The following LUZP1 variants were observed in gnomAD, a reference collection of about 807,000 sequenced individuals.
LUZP1 encodes leucine zipper protein 1.
A neutral mutation model predicts 71.3 loss-of-function variants in LUZP1; 25 were observed. The ratio of observed to expected loss-of-function variants is 0.35; its 90% confidence interval spans 0.26 to 0.49. The LOEUF is 0.49. LUZP1 is among the 20% of genes least tolerant of loss of function. The pLI, the probability that LUZP1 is intolerant of heterozygous loss-of-function variation, is 0.99. For synonymous variants in LUZP1, 481 were observed against 506.4 expected, an observed-to-expected ratio of 0.95 and a Z score of 0.67; for missense variants, 1,142 against 1,300.8, an observed-to-expected ratio of 0.88 and a Z score of 1.88.
intron 1 of LUZP1, among the ~76,000 whole-genome samples, chr1:23,170,889 G>A (rs963131576): frequency 2.0e-5 from 3 of 151,852 alleles, no homozygotes; most frequent in African/African-American, 7.3e-5. Flanking sequence ...CCAGGAGTTT[G>A]AGACCAGCCT....
At chr1:23,174,506 C>A (rs1644571640) in intron 1 of LUZP1, among the ~76,000 whole-genome samples, 1 of 152,166 alleles carries the variant, frequency 6.6e-6, no homozygotes, top group African/African-American at 2.4e-5. Context: ...CAAATTGACA[C>A]ATAAAATTCA....
exon 4 of LUZP1, chr1:23,092,154 G>A: frequency 6.2e-7 from 1 of 1,614,156 alleles, no homozygotes; most frequent in Non-Finnish European, 8.5e-7. Flanking sequence ...CTCAAATAGG[G>A]AGGTTCTAGG....
chr1:23,108,218 A>G (rs1038194457), intron 3 of LUZP1, among the ~76,000 whole-genome samples: 20 of 152,248 alleles, frequency 1.3e-4, no homozygotes, highest in African/African-American at 4.8e-4. Flanking sequence ...CTAATTGTTG[A>G]TCAAAAGGTT....
At chr1:23,085,288 C>A (rs1643746820) in exon 5 of LUZP1, 1 of 152,592 alleles carries the variant, frequency 6.6e-6, no homozygotes, top group Non-Finnish European at 1.5e-5. Flanking sequence ...ACTTTCTTAG[C>A]CCTCTCAATC....
intron 1 of LUZP1, among the ~76,000 whole-genome samples, chr1:23,170,646 T>C (rs569145752): frequency 2.6e-5 from 4 of 152,114 alleles, no homozygotes; most frequent in Non-Finnish European, 4.4e-5. Context: ...TTTGTATTTT[T>C]AGTAGAGACG....
intron 2 of LUZP1, among the ~76,000 whole-genome samples, chr1:23,134,936 T>C (rs1394446661): frequency 6.6e-6 from 1 of 152,096 alleles, no homozygotes; most frequent in African/African-American, 2.4e-5. Context: ...ATCACCCAGG[T>C]ACTAAGCCCA....
At chr1:23,154,130 G>A (rs971792059) in intron 2 of LUZP1, among the ~76,000 whole-genome samples, 10 of 152,126 alleles carry the variant, frequency 6.6e-5, no homozygotes, top group Non-Finnish European at 1.5e-5. Flanking sequence ...AAGGCAAAAC[G>A]ATAGGAATAG....
exon 4 of LUZP1, chr1:23,091,455 G>A (rs1159342358): frequency 2.5e-6 from 4 of 1,614,146 alleles, no homozygotes; most frequent in Admixed American, 1.7e-5. Context: ...TCGAGTTGGG[G>A]GGTCTTCTAA....
intron 2 of LUZP1, among the ~76,000 whole-genome samples, chr1:23,137,243 G>C (rs1644261799): frequency 6.6e-6 from 1 of 152,156 alleles, no homozygotes; most frequent in Non-Finnish European, 1.5e-5. Context: ...ACTAAAAATG[G>C]GCAAAGGATT....
At chr1:23,139,782 T>C (rs1644288477) in intron 2 of LUZP1, among the ~76,000 whole-genome samples, 2 of 152,088 alleles carry the variant, frequency 1.3e-5, no homozygotes. Context: ...ACCTCGTCTC[T>C]ACAGTGAAAT....
chr1:23,142,083 T>C (rs1011080285), intron 2 of LUZP1, among the ~76,000 whole-genome samples: 8 of 151,688 alleles, frequency 5.3e-5, no homozygotes, highest in Non-Finnish European at 1.2e-4. Flanking sequence ...CAACCTCAGG[T>C]GACCCACCCG....
chr1:23,168,228 C>T (rs1184668978), intron 2 of LUZP1, among the ~76,000 whole-genome samples: 1 of 148,152 alleles, frequency 6.7e-6, no homozygotes, highest in Non-Finnish European at 1.5e-5. Context: ...CCCAAACCGC[C>T]CTCCTCCTCC....
intron 1 of LUZP1, among the ~76,000 whole-genome samples, chr1:23,172,232 A>G (rs1644556591): frequency 6.6e-6 from 1 of 152,228 alleles, no homozygotes; most frequent in African/African-American, 2.4e-5. Flanking sequence ...TGATTGGACA[A>G]TAAAGGTCTC....
chr1:23,157,841 T>A (rs1309950963), intron 2 of LUZP1, among the ~76,000 whole-genome samples: 1 of 100,682 alleles, frequency 9.9e-6, no homozygotes, highest in African/African-American at 4.6e-5. Context: ...ATCTTGCCCC[T>A]ACCAAAAAAA....
intron 2 of LUZP1, among the ~76,000 whole-genome samples, chr1:23,140,107 T>C (rs920158563): frequency 1.4e-4 from 22 of 152,042 alleles, no homozygotes; most frequent in Admixed American, 7.9e-4. Flanking sequence ...CCCCACATCA[T>C]GGTGTTTCCT....
intron 2 of LUZP1, among the ~76,000 whole-genome samples, chr1:23,113,289 T>A (rs552455132): frequency 3.4e-4 from 52 of 152,140 alleles, no homozygotes; most frequent in African/African-American, 1.2e-3. Context: ...ATGCCTGTGG[T>A]CCCAGCTACC....
intron 1 of LUZP1, among the ~76,000 whole-genome samples, chr1:23,175,915 G>C (rs1181648488): frequency 6.6e-6 from 1 of 152,160 alleles, no homozygotes; most frequent in Non-Finnish European, 1.5e-5. Context: ...GCCTCAGAGA[G>C]GGTAAGGAAC....
chr1:23,138,901 G>A (rs1569648064), intron 2 of LUZP1, among the ~76,000 whole-genome samples: 1 of 147,738 alleles, frequency 6.8e-6, no homozygotes, highest in Non-Finnish European at 1.5e-5. Context: ...GGGAGGCTGA[G>A]GCAGGAGAAT....
chr1:23,090,868 T>G (rs1425523726), intron 4 of LUZP1: 1 of 717,702 alleles, frequency 1.4e-6, no homozygotes, highest in East Asian at 2.7e-5. Flanking sequence ...CATGCTGTTC[T>G]GAGGGCCTAC....
Sources: gnomAD v4.1 joint callset for allele counts (sites outside exome capture counted in the v4.1 genomes callset) on GRCh38, gnomAD v4.1.1 for gene constraint, MANE v1.5 for transcripts, NCBI Gene and HGNC (gene_info 2026-07-23, HGNC 2026-07-21) for gene names.